S100A1: variants seen among roughly 807,000 people sequenced by gnomAD.
S100A1 encodes S100 calcium binding protein A1.
A neutral mutation model predicts 7.6 loss-of-function variants in S100A1; 3 were observed. The ratio of observed to expected loss-of-function variants is 0.40; its 90% CI spans 0.18 to 1.02. The LOEUF (loss-of-function observed/expected upper bound fraction) is 1.02, where lower values mean the gene tolerates loss of function less well. Ranked by LOEUF, S100A1 falls within the 50% of genes least tolerant of loss-of-function variation. The probability of loss-of-function intolerance (pLI) is 0.35; values close to 1 mark genes in which losing one functional copy is unlikely to be tolerated. For missense variants in S100A1, 126 were observed against 115.0 expected (o/e 1.10, Z -0.44); for synonymous variants, 49 against 49.0 (o/e 1.00, Z 0.00).
chr1:153,631,989 G>C lies in S100A1; in HGVS notation c.*148G>C. On this transcript the variant is annotated 3_prime_UTR_variant, in exon 3 of 3. Coordinates refer to ENST00000292169, the MANE Select transcript of S100A1 (RefSeq NM_006271.2). ...CCCCCACCAAGGGCGCAAGAGTAGC[G>C]GTCCAAGCCTGCAACTCATCTTTCA... The C allele has an allele frequency of 1.3e-6, 1 of 798,336 alleles. No individual in the cohort carries two copies. Among genetic ancestry groups the C allele is most frequent in the African/African-American group, 1.9e-5 (1 of 51,770 alleles). The allele number at this position is 798,336 out of a possible 1,614,324, so 49.5% of individuals were successfully genotyped here. A position where few individuals can be genotyped will look rare whatever the true frequency, so the allele number is the denominator to read the frequency against.
At chr1:153,630,408 T>G in intron 1 of S100A1, 101 bp from the exon 2 acceptor site, 1 of 1,402,210 alleles carries the variant, frequency 7.1e-7, no homozygotes, top group Non-Finnish European at 9.6e-7. Flanking sequence ...CCCACAGCTA[T>G]TTGAGCTGTC....
At chr1:153,631,579 T>C (rs1319910450) in intron 2 of S100A1, 119 bp from the exon 3 acceptor site, 3 of 1,613,772 alleles carry the variant, frequency 1.9e-6, no homozygotes, top group African/African-American at 1.3e-5. Flanking sequence ...AAGAGTCCCA[T>C]AATTCAATGC....
rs993769294 is a variant in S100A1, at chr1:153,631,430, T to C, written c.142-268T>C. 43 of 1,534,334 alleles carry C rather than the reference T, an allele frequency of 2.8e-5. No homozygotes were observed. In the African/African-American group the frequency reaches 5.0e-4, roughly 18 times the overall value. ...TATTAGAATTAAATTAGACAGTGCT[T>C]GTAAAGCTCCTAGTGTAGTGCTTGC... On this transcript the variant is annotated intron_variant, in intron 2 of 2. Coordinates refer to ENST00000292169, the MANE Select transcript of S100A1 (RefSeq NM_006271.2).
Position 153,632,026 on chromosome 1 carries a change from T to C in S100A1, c.*185T>C. ...CAACTCATCTTTCATTAAAGGCTTC[T>C]CTCTCACCAGCCATCCGATGTCTGT... On this transcript the variant is annotated 3_prime_UTR_variant, in exon 3 of 3. Coordinates refer to ENST00000292169, the MANE Select transcript of S100A1 (RefSeq NM_006271.2). The C allele has an allele frequency of 1.6e-6, 1 of 636,624 alleles. No individual in the cohort carries two copies. The highest frequency in any genetic ancestry group is 2.0e-5 in the South Asian group (1 of 50,282). The allele number at this position is 636,624 out of a possible 1,614,324, so 39.4% of individuals were successfully genotyped here.
Position 153,631,970 on chromosome 1 carries a change from C to A in S100A1, c.*129C>A. The A allele has an allele frequency of 9.3e-7, 1 of 1,080,416 alleles. No individual in the cohort carries two copies. Among genetic ancestry groups the A allele is most frequent in the South Asian group, 1.6e-5 (1 of 62,184 alleles). 66.9% of individuals were successfully genotyped at this position (1,080,416 alleles called of 1,614,324 possible). A position where few individuals can be genotyped will look rare whatever the true frequency, so the allele number is the denominator to read the frequency against. ...CTTGCCCACCCCACCCCCACCCCCA[C>A]CAAGGGCGCAAGAGTAGCGGTCCAA... On this transcript the variant is annotated 3_prime_UTR_variant, in exon 3 of 3. Coordinates refer to ENST00000292169, the MANE Select transcript of S100A1 (RefSeq NM_006271.2).
chr1:153,631,745 C>T lies in S100A1; in HGVS notation c.189C>T (p.Asp63=), dbSNP rs780662303. Residue 63 remains aspartate (D), a synonymous_variant, in exon 3 of 3, where the codon GAC becomes GAT. Coordinates refer to ENST00000292169, the MANE Select transcript of S100A1 (RefSeq NM_006271.2). Reference sequence around the variant, plus strand: ...TGGACAAGGTGATGAAGGAGCTAGACGAGAATGGAGACGGGGAGGTGGACT... The same window carrying T: ...TGGACAAGGTGATGAAGGAGCTAGATGAGAATGGAGACGGGGAGGTGGACT... The part of the protein sequence containing the change: ...DAVDKVMKEL[D]ENGDGEVDFQ... The T allele has an allele frequency of 1.1e-5, 17 of 1,614,086 alleles. No homozygotes were observed. The highest frequency in any genetic ancestry group is 2.2e-5 in the East Asian group (1 of 44,906).
chr1:153,630,262 C>T, intron 1 of S100A1: 1 of 522,266 alleles, frequency 1.9e-6, no homozygotes, highest in Non-Finnish European at 3.3e-6. Context: ...TGCTCTCTCT[C>T]CATGCCCCAA....
intron 2 of S100A1, chr1:153,631,154 G>A (rs1276803614): frequency 5.8e-6 from 2 of 347,166 alleles, no homozygotes; most frequent in Non-Finnish European, 5.2e-6. Context: ...TGTGGAGCAT[G>A]TCAGTAGTTT....
In S100A1 at chr1:153,631,172, C is replaced by T. The variant is rs41302536; in HGVS notation, c.141+510C>T. The T allele has an allele frequency of 6.1e-3, 2,286 of 372,648 alleles. 18 individuals carry two copies. Among genetic ancestry groups the T allele is most frequent in the Non-Finnish European group, 9.1e-3 (1,868 of 206,402 alleles). The allele number at this position is 372,648 out of a possible 1,614,324, so 23.1% of individuals were successfully genotyped here. A position where few individuals can be genotyped will look rare whatever the true frequency, so the allele number is the denominator to read the frequency against. ...GGAGCATGTCAGTAGTTTCATTCAA[C>T]TGGCATGAAGGATGTAGAAAACTAG... On this transcript the variant is annotated intron_variant, in intron 2 of 2. Transcript: ENST00000292169.
chr1:153,630,548 G>C lies in S100A1; in HGVS notation c.27G>C (p.Met9Ile). 1 of 1,614,246 alleles carries C rather than the reference G, an allele frequency of 6.2e-7. No homozygotes were observed. Among genetic ancestry groups the C allele is most frequent in the Non-Finnish European group, 8.5e-7 (1 of 1,180,040 alleles). ...TGGGCTCTGAGCTGGAGACGGCGAT[G>C]GAGACCCTCATCAACGTGTTCCACG... MGSELETAMETLINVFHAH... is the reference protein window; with the variant it reads MGSELETAIETLINVFHAH... Residue 9 changes from methionine to isoleucine, a missense_variant, in exon 2 of 3, where the codon ATG becomes ATC. By Grantham distance (10) the Met-to-Ile change is conservative. Transcript: ENST00000292169.
Position 153,628,434 on chromosome 1 carries a change from A to C in S100A1, c.-76A>C, listed in dbSNP as rs1667806292. On this transcript the variant is annotated 5_prime_UTR_variant, in exon 1 of 3. Coordinates refer to ENST00000292169, the MANE Select transcript of S100A1 (RefSeq NM_006271.2). ...ACAGGTCTCCACACACAGCTCCAGCAGCCACATTTGCAACCTTGGCCATCT... is the reference window on the plus strand; with the variant it reads ...ACAGGTCTCCACACACAGCTCCAGCCGCCACATTTGCAACCTTGGCCATCT... 2 of 1,550,598 alleles carry C rather than the reference A, an allele frequency of 1.3e-6. No individual in the cohort carries two copies. The highest frequency in any genetic ancestry group is 1.7e-6 in the Non-Finnish European group (2 of 1,147,000).
intron 1 of S100A1, chr1:153,629,257 C>G (rs1667865732): frequency 6.6e-6 from 1 of 152,304 alleles, no homozygotes; most frequent in African/African-American, 2.4e-5. Context: ...ATCAAGCTAC[C>G]AGCACCCCTC....
At position 153,628,465 on chromosome 1, in the gene S100A1, G is replaced by A. The variant is rs1243499153; in HGVS notation, c.-45G>A. The A allele has an allele frequency of 1.3e-6, 2 of 1,550,762 alleles. No homozygotes were observed. The highest frequency in any genetic ancestry group is 1.2e-5 in the South Asian group (1 of 84,064). On this transcript the variant is annotated 5_prime_UTR_variant, in exon 1 of 3. Transcript: ENST00000292169. ...ATTTGCAACCTTGGCCATCTGTCCA[G>A]AACCTGCTCCCACCTCAGGCCCAGG...
Position 153,630,594 on chromosome 1 carries a change from G to C in S100A1, c.73G>C (p.Asp25His). 1.2e-6 allele frequency: 2 copies of C among 1,614,258 alleles called. No individual in the cohort carries two copies. The highest frequency in any genetic ancestry group is 1.7e-6 in the Non-Finnish European group (2 of 1,180,048). Residue 25 changes from aspartate to histidine, a missense_variant, in exon 2 of 3, where the codon GAC becomes CAC. Asp to His is a moderately conservative substitution (Grantham distance 81). Coordinates refer to ENST00000292169, the MANE Select transcript of S100A1 (RefSeq NM_006271.2). The part of the protein sequence containing the change: ...VFHAHSGKEG[D>H]KYKLSKKELK... ...CCACGCCCACTCGGGCAAAGAGGGGGACAAGTACAAGCTGAGCAAGAAGGA... is the reference window on the plus strand; with the variant it reads ...CCACGCCCACTCGGGCAAAGAGGGGCACAAGTACAAGCTGAGCAAGAAGGA...
intron 1 of S100A1, chr1:153,628,799 G>A: frequency 2.4e-6 from 1 of 409,054 alleles, no homozygotes. Context: ...TCAAGTCCCT[G>A]CCAAGGCCCC....
intron 2 of S100A1, among the ~76,000 whole-genome samples, 178 bp downstream of exon 2, chr1:153,630,840 T>C (rs1307172747): frequency 6.6e-6 from 1 of 152,224 alleles, no homozygotes; most frequent in Non-Finnish European, 1.5e-5. Context: ...CAAGTCAAAA[T>C]GCCCTGGTTT....
At position 153,628,706 on chromosome 1, in the gene S100A1, G is replaced by A. The variant is rs1055731458; in HGVS notation, c.-14+210G>A. Reference sequence around the variant, plus strand: ...ACAAATGAACTGAAGGTCGGAGAGAGAGCTGGCAGCTCAGCAAAGGAGGAA... The same window carrying A: ...ACAAATGAACTGAAGGTCGGAGAGAAAGCTGGCAGCTCAGCAAAGGAGGAA... On this transcript the variant is annotated intron_variant, in intron 1 of 2. Coordinates refer to ENST00000292169, the MANE Select transcript of S100A1 (RefSeq NM_006271.2). The A allele has an allele frequency of 7.0e-6, 6 of 855,160 alleles. No homozygotes were observed. The African/African-American group carries it at 8.4e-5, about 12-fold the overall frequency. The allele number at this position is 855,160 out of a possible 1,614,324, so 53.0% of individuals were successfully genotyped here.
chr1:153,628,690 C>A, intron 1 of S100A1, 194 bp downstream of exon 1: 1 of 965,938 alleles, frequency 1.0e-6, no homozygotes, highest in Non-Finnish European at 1.5e-6. Flanking sequence ...GACAAATGAA[C>A]TGAAGGTCGG....
At chr1:153,630,441 T>A in intron 1 of S100A1, 68 bp from the exon 2 acceptor site, 1 of 1,562,470 alleles carries the variant, frequency 6.4e-7, no homozygotes, top group South Asian at 1.2e-5. Context: ...TCCTGAGGGT[T>A]CCCCTCACCT....
Sources: gnomAD v4.1 joint callset for allele counts (sites outside exome capture counted in the v4.1 genomes callset) on GRCh38, gnomAD v4.1.1 for gene constraint, MANE v1.5 for transcripts, NCBI Gene and HGNC (gene_info 2026-07-23, HGNC 2026-07-21) for gene names.